Variants in UBE3A observed in about 807,000 individuals in gnomAD.
UBE3A encodes the protein ubiquitin protein ligase E3A.
In UBE3A, 6 loss-of-function variants were observed where a neutral mutation model predicts 83.4. The ratio of observed to expected loss-of-function variants is 0.07; its 90% CI spans 0.04 to 0.14. UBE3A has a LOEUF of 0.14. Among genes scored for constraint, UBE3A ranks in the 10% least tolerant of loss-of-function variants. The pLI is 1.00. For missense variants in UBE3A, 456 were observed against 1,036.1 expected (o/e 0.44, Z 7.69); for synonymous variants, 337 against 355.4 (o/e 0.95, Z 0.58).
chr15:25,438,984 G>C lies in UBE3A; in HGVS notation c.-660C>G, dbSNP rs1261737872. The C allele has an allele frequency of 6.6e-6, 1 of 152,148 alleles. No individual in the cohort carries two copies. The allele number at this position is 152,148 out of a possible 1,614,324, so 9.4% of individuals were successfully genotyped here. A position where few individuals can be genotyped will look rare whatever the true frequency, so the allele number is the denominator to read the frequency against. ...CGAGCCCAGCGCCACCATCTTGGGA[G>C]ACACACGGATCTCGCGGCCGCGGCG... On this transcript the variant is annotated 5_prime_UTR_variant, in exon 1 of 13. Coordinates refer to ENST00000648336, the MANE Select transcript of UBE3A (RefSeq NM_130839.5).
chr15:25,396,505 C>A (rs2085610693), intron 4 of UBE3A, among the ~76,000 whole-genome samples: 1 of 152,112 alleles, frequency 6.6e-6, no homozygotes, highest in Admixed American at 6.5e-5. Context: ...TGCCTGTAGT[C>A]CCAGCTACTC....
rs1242387419 is a variant in UBE3A, at chr15:25,405,458, T to C, written c.62+3A>G. The C allele has an allele frequency of 1.2e-6, 2 of 1,613,782 alleles. No homozygotes were observed. Among genetic ancestry groups the C allele is most frequent in the Admixed American group, 1.7e-5 (1 of 60,002 alleles). ...ACCACAGTCTCAACCAAGTTACACTTACATTCGGCTAGCTTCAATGTCGTC... is the reference window on the plus strand; with the variant it reads ...ACCACAGTCTCAACCAAGTTACACTCACATTCGGCTAGCTTCAATGTCGTC... On this transcript the variant is annotated splice_donor_region_variant and intron_variant, in intron 4 of 12. Coordinates refer to ENST00000648336, the MANE Select transcript of UBE3A (RefSeq NM_130839.5).
intron 6 of UBE3A, among the ~76,000 whole-genome samples, chr15:25,361,351 C>G (rs1372030346): frequency 6.6e-6 from 1 of 152,024 alleles, no homozygotes; most frequent in East Asian, 1.9e-4. Context: ...GTCTTGAACT[C>G]CTGACCTCAT....
intron 11 of UBE3A, among the ~76,000 whole-genome samples, chr15:25,342,640 T>TA (rs5811380): frequency 0.12 from 17,615 of 145,212 alleles, 1,068 homozygotes; most frequent in Middle Eastern, 0.25. Context: ...AAGGGGAAAA[T>TA]AAAAAAAAAA....
In UBE3A at chr15:25,354,516, C is replaced by T. The variant is rs2076965111; in HGVS notation, c.2280+12G>A. On this transcript the variant is annotated intron_variant, in intron 10 of 12. Coordinates refer to ENST00000648336, the MANE Select transcript of UBE3A (RefSeq NM_130839.5). ...TCGATACATGACTTTTTGCAGACAC[C>T]TGCTTTCTTACCCGGCTTCCACATA... 1 of 1,613,894 alleles carries T rather than the reference C, an allele frequency of 6.2e-7. No individual in the cohort carries two copies. Among genetic ancestry groups the T allele is most frequent in the Non-Finnish European group, 8.5e-7 (1 of 1,179,902 alleles).
intron 11 of UBE3A, 151 bp from the exon 12 acceptor site, chr15:25,340,379 C>A: frequency 1.0e-6 from 1 of 959,580 alleles, no homozygotes; most frequent in Non-Finnish European, 1.6e-6. Flanking sequence ...TAAAAATTTC[C>A]AAGCAAATTT....
chr15:25,360,289 C>T (rs982355099), intron 7 of UBE3A, 94 bp downstream of exon 7: 9 of 1,544,844 alleles, frequency 5.8e-6, no homozygotes, highest in Admixed American at 5.2e-5. Context: ...TCTTTTGCTG[C>T]TCTTCATAGC....
At position 25,355,951 on chromosome 15, in the gene UBE3A, T is replaced by C. The variant is rs755765955; in HGVS notation, c.2065A>G (p.Met689Val). ...CCATTTTCCTTTAGATCATACATCATTGGGTTACCAAAAAGATCTGTCTGT... is the reference window on the plus strand; with the variant it reads ...CCATTTTCCTTTAGATCATACATCACTGGGTTACCAAAAAGATCTGTCTGT... Reference protein sequence around the residue: ...ISQTDLFGNPMMYDLKENGDK... With the variant: ...ISQTDLFGNPVMYDLKENGDK... Residue 689 changes from methionine (M) to valine (V), a missense_variant, in exon 9 of 13, where the codon ATG becomes GTG. Around this residue, in one of 13 missense-constraint regions of UBE3A, gnomAD observed 82 missense variants for 199.3 expected, o/e 0.41. Coordinates refer to ENST00000648336, the MANE Select transcript of UBE3A (RefSeq NM_130839.5). 13 of 1,613,776 alleles carry C rather than the reference T, an allele frequency of 8.1e-6. No individual in the cohort carries two copies. The highest frequency in any genetic ancestry group is 3.3e-4 in the Middle Eastern group (2 of 6,046).
At chr15:25,431,442 A>C (rs993157300) in intron 1 of UBE3A, among the ~76,000 whole-genome samples, 1 of 152,158 alleles carries the variant, frequency 6.6e-6, no homozygotes, top group Non-Finnish European at 1.5e-5. Flanking sequence ...TCCCAGGTTC[A>C]AGCGATTCTC....
Position 25,370,875 on chromosome 15 carries a change from G to A in UBE3A, c.1299C>T (p.Thr433=). 1 of 1,613,984 alleles carries A rather than the reference G, an allele frequency of 6.2e-7. No individual in the cohort carries two copies. The highest frequency in any genetic ancestry group is 1.6e-4 in the Middle Eastern group (1 of 6,062). The change falls in exon 6 of 13, where the codon ACC becomes ACT. Residue 433 remains threonine, a synonymous_variant. Coordinates refer to ENST00000648336, the MANE Select transcript of UBE3A (RefSeq NM_130839.5). The surrounding 1 kb of genome is among the most constrained non-coding windows in gnomAD (Gnocchi z 4.2). The part of the protein sequence containing the change: ...DPLETELGVK[T]LDCRKPLIPF... ...GGATAAGTGGTTTTCGACAATCCAG[G>A]GTTTTAACACCAAGTTCAGTTTCCA...
intron 4 of UBE3A, among the ~76,000 whole-genome samples, chr15:25,384,692 G>C (rs2082792935): frequency 6.6e-6 from 1 of 151,860 alleles, no homozygotes; most frequent in South Asian, 2.1e-4. Flanking sequence ...GAATCTTGAA[G>C]GACCCTGAAT....
At chr15:25,384,418 G>A (rs546256015) in intron 4 of UBE3A, among the ~76,000 whole-genome samples, 4 of 144,402 alleles carry the variant, frequency 2.8e-5, no homozygotes, top group Admixed American at 7.0e-5. Flanking sequence ...CCAAGATCAC[G>A]CCACTCTACT....
intron 4 of UBE3A, among the ~76,000 whole-genome samples, chr15:25,402,041 T>A (rs1404580346): frequency 2.0e-5 from 3 of 152,220 alleles, no homozygotes. Context: ...TATATCTCCA[T>A]TTCTTTATGG....
At chr15:25,372,609 A>G (rs34501187) in intron 5 of UBE3A, among the ~76,000 whole-genome samples, 18,125 of 152,204 alleles carry the variant, frequency 0.12, 1,155 homozygotes, top group Middle Eastern at 0.23. Flanking sequence ...TTTTTGAGAT[A>G]AGTGTTATTT....
At chr15:25,385,374 T>C (rs1224602346) in intron 4 of UBE3A, among the ~76,000 whole-genome samples, 1 of 151,866 alleles carries the variant, frequency 6.6e-6, no homozygotes, top group Non-Finnish European at 1.5e-5. Context: ...TAGGGAGAAA[T>C]GTCAATTAAA....
At chr15:25,344,048 G>A (rs1449493658) in intron 11 of UBE3A, among the ~76,000 whole-genome samples, 1 of 152,148 alleles carries the variant, frequency 6.6e-6, no homozygotes, top group Non-Finnish European at 1.5e-5. Context: ...GGAGGATTTG[G>A]CAGTATCTAG....
At chr15:25,397,101 C>G (rs1329208463) in intron 4 of UBE3A, among the ~76,000 whole-genome samples, 1 of 152,178 alleles carries the variant, frequency 6.6e-6, no homozygotes, top group African/African-American at 2.4e-5. Flanking sequence ...GACCCACTCA[C>G]CTCACTGAAA....
chr15:25,380,808 T>C (rs771100469), intron 4 of UBE3A, among the ~76,000 whole-genome samples: 1 of 152,240 alleles, frequency 6.6e-6, no homozygotes, highest in Non-Finnish European at 1.5e-5. Context: ...AAAACAAACT[T>C]TTCTTATTTA....
At chr15:25,378,271 T>C (rs1454695952) in intron 4 of UBE3A, among the ~76,000 whole-genome samples, 1 of 151,824 alleles carries the variant, frequency 6.6e-6, no homozygotes, top group African/African-American at 2.4e-5. Context: ...AGGAGGAGAG[T>C]GATCAGCACA....
Sources: gnomAD v4.1 joint callset for allele counts (sites outside exome capture counted in the v4.1 genomes callset) on GRCh38, gnomAD v4.1.1 for gene constraint, gnomAD v4.1.1 regional missense constraint, Gnocchi (gnomAD v3.1) non-coding constraint, MANE v1.5 for transcripts, NCBI Gene and HGNC (gene_info 2026-07-23, HGNC 2026-07-21) for gene names.